The following CENPU variants were observed in gnomAD, a reference collection of about 807,000 sequenced individuals.
CENPU encodes centromere protein U.
Under a neutral mutation model 56.7 loss-of-function variants are expected in CENPU, and 46 were observed. The ratio of observed to expected loss-of-function variants is 0.81; its 90% CI spans 0.64 to 1.04. CENPU has a LOEUF of 1.04. Among genes scored for constraint, CENPU ranks in the 50% least tolerant of loss-of-function variants. The pLI, the probability that CENPU is intolerant of heterozygous loss-of-function variation, is 0.00. For synonymous variants in CENPU, 166 were observed against 163.0 expected, an observed-to-expected ratio of 1.02 and a Z score of -0.14; for missense variants, 510 against 490.1, an observed-to-expected ratio of 1.04 and a Z score of -0.38.
intron 1 of CENPU, among the ~76,000 whole-genome samples, chr4:184,732,665 A>G (rs1278720072): frequency 2.0e-5 from 3 of 152,090 alleles, no homozygotes; most frequent in African/African-American, 7.2e-5. Flanking sequence ...CGCTGGAGTC[A>G]AGGTGGGGCT....
chr4:184,733,838 G>A (rs1306789366), intron 1 of CENPU, among the ~76,000 whole-genome samples, 178 bp downstream of exon 1: 4 of 152,266 alleles, frequency 2.6e-5, no homozygotes, highest in Non-Finnish European at 5.9e-5. Context: ...GCCCGTGCAG[G>A]TGGGATCACT....
At position 184,724,962 on chromosome 4, in the gene CENPU, T is replaced by G. The variant is rs1379405700; in HGVS notation, c.315A>C (p.Lys105Asn). Reference sequence around the variant, plus strand: ...TGCTTGAAATACACCAGTACCTTCTTTTTGCTTCTTTTCCTGGAGGAGTTG... The same window carrying G: ...TGCTTGAAATACACCAGTACCTTCTGTTTGCTTCTTTTCCTGGAGGAGTTG... ...LSSTPPGKEA[K>N]RSSDTSGNEA... Residue 105 changes from lysine to asparagine, a missense_variant, in exon 4 of 13, where the codon AAA (lysine) becomes AAC (asparagine). Transcript: ENST00000281453. 6.2e-7 allele frequency: 1 copy of G among 1,602,216 alleles called. No homozygotes were observed. Among genetic ancestry groups the G allele is most frequent in the South Asian group, 1.1e-5 (1 of 89,824 alleles).
rs1761751050 is a variant in CENPU at position 184,734,009 on chromosome 4, TA to T, written c.47+6del. 1 of 1,608,520 alleles carries T rather than the reference TA, an allele frequency of 6.2e-7. No homozygotes were observed. The highest frequency in any genetic ancestry group is 8.5e-7 in the Non-Finnish European group (1 of 1,178,460). On this transcript the variant is annotated splice_donor_region_variant and intron_variant, in intron 1 of 12. Transcript: ENST00000281453. ...GCCCCGCGCTCCCGAGGGTCGGCAGTACTTACCCCTCAGACCTGTGAGGCCG... is the reference window on the plus strand; with the variant it reads ...GCCCCGCGCTCCCGAGGGTCGGCAGTCTTACCCCTCAGACCTGTGAGGCCG...
At position 184,695,031 on chromosome 4, in the gene CENPU, C is replaced by T. The variant is rs568878807; in HGVS notation, c.*257G>A. On this transcript the variant is annotated 3_prime_UTR_variant, in exon 13 of 13. Coordinates refer to ENST00000281453, the MANE Select transcript of CENPU (RefSeq NM_024629.4). ...TTTTACAAGTTTATTATAGCTCATA[C>T]CTGGGACCGATTAAGGTGTCAACAT... 17 of 536,896 alleles carry T rather than the reference C, an allele frequency of 3.2e-5. No homozygotes were observed. In the Admixed American group the frequency reaches 4.9e-4, roughly 16 times the overall value. 33.3% of individuals were successfully genotyped at this position (536,896 alleles called of 1,614,324 possible).
chr4:184,700,362 A>G (rs1760493137), intron 11 of CENPU, among the ~76,000 whole-genome samples: 1 of 152,224 alleles, frequency 6.6e-6, no homozygotes, highest in South Asian at 2.1e-4. Context: ...AGCACTTTCT[A>G]TATATGTACT....
chr4:184,733,758 C>T (rs1406555499), intron 1 of CENPU, among the ~76,000 whole-genome samples: 4 of 152,248 alleles, frequency 2.6e-5, no homozygotes, highest in African/African-American at 9.6e-5. Context: ...CGGCACTCCC[C>T]CTCCCCACAA....
intron 11 of CENPU, 82 bp downstream of exon 11, chr4:184,700,737 CA>C (rs1760506691): frequency 4.2e-6 from 5 of 1,188,238 alleles, no homozygotes; most frequent in Non-Finnish European, 6.3e-6. Context: ...TACATCACAG[CA>C]GCAAGTGTCA....
chr4:184,734,058 G>GCCAT lies in CENPU; in HGVS notation c.1_4dup (p.Ala2AspfsTer15). ...CCGCGGCCGCCGCCGCCCCCGCGGG[G>GCCAT]CCATGGTGCCGCTCTCCGCTCTCGA... On this transcript the variant is annotated frameshift_variant, in exon 1 of 13. Coordinates refer to ENST00000281453, the MANE Select transcript of CENPU (RefSeq NM_024629.4). LOFTEE classifies it high-confidence loss of function. The GCCAT allele has an allele frequency of 6.4e-7, 1 of 1,561,334 alleles. No homozygotes were observed.
chr4:184,720,763 C>T (rs955975070), intron 4 of CENPU, among the ~76,000 whole-genome samples: 4 of 152,008 alleles, frequency 2.6e-5, no homozygotes, highest in Admixed American at 2.0e-4. Flanking sequence ...AAAACTTTTA[C>T]CCTAGAATAA....
At chr4:184,733,652 T>TA (rs1761736933) in intron 1 of CENPU, among the ~76,000 whole-genome samples, 2 of 152,198 alleles carry the variant, frequency 1.3e-5, no homozygotes, top group Admixed American at 6.5e-5. Flanking sequence ...AGTCAGAGAA[T>TA]AAAACTCCAC....
chr4:184,723,635 A>T (rs1761350520), intron 4 of CENPU, among the ~76,000 whole-genome samples: 1 of 151,944 alleles, frequency 6.6e-6, no homozygotes, highest in Non-Finnish European at 1.5e-5. Context: ...CGAGCTCAAG[A>T]GATCAAGACC....
At chr4:184,729,499 C>G (rs1201098528) in intron 2 of CENPU, among the ~76,000 whole-genome samples, 1 of 152,198 alleles carries the variant, frequency 6.6e-6, no homozygotes, top group Non-Finnish European at 1.5e-5. Flanking sequence ...CTTTTGAACA[C>G]TGCAATTTGA....
At position 184,694,752 on chromosome 4, in the gene CENPU, A is replaced by G. The variant is rs777644520; in HGVS notation, c.*536T>C. The stretch of plus-strand genomic sequence containing the variant: ...GTGAAGTGGATGAAATTCCTGATGA[A>G]CTAATTATAGAAGTATTACAAGAGT... On this transcript the variant is annotated 3_prime_UTR_variant, in exon 13 of 13. Transcript: ENST00000281453. 8.7e-6 allele frequency: 14 copies of G among 1,612,318 alleles called. No homozygotes were observed. In the South Asian group the frequency reaches 1.4e-4, roughly 16 times the overall value.
intron 3 of CENPU, among the ~76,000 whole-genome samples, chr4:184,726,463 A>C (rs1761454924): frequency 6.6e-6 from 1 of 152,234 alleles, no homozygotes; most frequent in Non-Finnish European, 1.5e-5. Context: ...CCACAGTGAG[A>C]TAGTACTTCA....
intron 11 of CENPU, among the ~76,000 whole-genome samples, chr4:184,700,537 G>C (rs1210390054): frequency 6.6e-6 from 1 of 152,176 alleles, no homozygotes; most frequent in African/African-American, 2.4e-5. Context: ...GCAGTTTAAT[G>C]TGTAGATTCT....
intron 4 of CENPU, among the ~76,000 whole-genome samples, chr4:184,720,453 G>A (rs1761238496): frequency 6.6e-6 from 1 of 152,124 alleles, no homozygotes; most frequent in African/African-American, 2.4e-5. Context: ...AGAAAAGGGG[G>A]TAGAAAGTTT....
At position 184,733,991 on chromosome 4, in the gene CENPU, G is replaced by C. The variant is rs772611127; in HGVS notation, c.47+25C>G. The C allele has an allele frequency of 3.7e-4, 600 of 1,610,362 alleles. 1 individual carries two copies. Among genetic ancestry groups the C allele is most frequent in the Non-Finnish European group, 4.9e-4 (576 of 1,178,994 alleles). ...AGTTCAAGCTGGTCTCCGGCCCCGC[G>C]CTCCCGAGGGTCGGCAGTACTTACC... On this transcript the variant is annotated intron_variant, in intron 1 of 12. Coordinates refer to ENST00000281453, the MANE Select transcript of CENPU (RefSeq NM_024629.4).
In CENPU at chr4:184,694,989, T is replaced by C; in HGVS notation, c.*299A>G. 1.8e-6 allele frequency: 1 copy of C among 552,262 alleles called. No individual in the cohort carries two copies. The highest frequency in any genetic ancestry group is 3.2e-6 in the Non-Finnish European group (1 of 313,676). The allele number at this position is 552,262 out of a possible 1,614,324, so 34.2% of individuals were successfully genotyped here. On this transcript the variant is annotated 3_prime_UTR_variant, in exon 13 of 13. Transcript: ENST00000281453. ...TCGCCTTATTAATTAATCAAAATTATGTTCACATCAACTTAATTTTACAAG... is the reference window on the plus strand; with the variant it reads ...TCGCCTTATTAATTAATCAAAATTACGTTCACATCAACTTAATTTTACAAG...
At chr4:184,712,483 T>C (rs1251759253) in intron 7 of CENPU, among the ~76,000 whole-genome samples, 2 of 152,206 alleles carry the variant, frequency 1.3e-5, no homozygotes, top group African/African-American at 4.8e-5. Context: ...CTTTACATGT[T>C]GACAGTGACT....
Sources: allele counts gnomAD v4.1 joint callset (sites outside exome capture counted in the v4.1 genomes callset), GRCh38; gene constraint gnomAD v4.1.1; transcripts MANE v1.5; gene names NCBI Gene and HGNC (gene_info 2026-07-23, HGNC 2026-07-21).